The following DEK variants were observed in gnomAD, a reference collection of about 807,000 sequenced individuals.
DEK encodes protein DEK.
DEK carries 28 observed loss-of-function variants against 46.8 expected under a neutral mutation model. That is an observed-to-expected ratio of 0.60 (90% CI 0.44 to 0.82). DEK has a LOEUF of 0.82. DEK is among the 40% of genes least tolerant of loss of function. The probability of loss-of-function intolerance (pLI) is 0.00; values close to 1 mark genes in which losing one functional copy is unlikely to be tolerated. For synonymous variants in DEK, 160 were observed against 144.5 expected (o/e 1.11, Z -0.77); for missense variants, 416 against 430.6 (o/e 0.97, Z 0.30).
rs1561996245 is a variant in DEK at position 18,263,877 on chromosome 6, G to GTCCTCT, written c.105_110dup (p.Glu35_Glu36dup). The GTCCTCT allele has an allele frequency of 1.2e-6, 2 of 1,612,042 alleles. No individual in the cohort carries two copies. The highest frequency in any genetic ancestry group is 2.2e-5 in the South Asian group (2 of 90,780). On this transcript the variant is annotated inframe_insertion, in exon 2 of 11. Transcript: ENST00000652689. ...CCTCCTCCTCCTCCTCGTCGTCCTC[G>GTCCTCT]TCCTCTTCCTCCTCGCTCTCCTCTC...
At chr6:18,226,044 T>A (rs893900246) in intron 10 of DEK, 130 bp downstream of exon 10, 7 of 892,678 alleles carry the variant, frequency 7.8e-6, no homozygotes, top group Non-Finnish European at 9.5e-6. Flanking sequence ...TAAATTTCCC[T>A]ATTATGAAGA....
intron 2 of DEK, among the ~76,000 whole-genome samples, chr6:18,262,928 G>A (rs1167412898): frequency 7.2e-5 from 11 of 152,074 alleles, no homozygotes; most frequent in Non-Finnish European, 1.5e-5. Context: ...GGCTGGTTGA[G>A]GCTTAAAAAA....
chr6:18,243,248 T>C (rs1790975160), intron 7 of DEK, among the ~76,000 whole-genome samples: 1 of 152,214 alleles, frequency 6.6e-6, no homozygotes. Flanking sequence ...ATATACACTT[T>C]GAATAGTTTC....
At chr6:18,233,462 G>T (rs983906325) in intron 9 of DEK, among the ~76,000 whole-genome samples, 3 of 152,034 alleles carry the variant, frequency 2.0e-5, no homozygotes, top group African/African-American at 7.3e-5. Context: ...TCTGACAAAG[G>T]GCTAATATTC....
Position 18,225,880 on chromosome 6 carries a change from C to G in DEK, c.1117-150G>C, listed in dbSNP as rs186963513. 4 of 937,406 alleles carry G rather than the reference C, an allele frequency of 4.3e-6. 1 individual carries two copies. In the South Asian group the frequency reaches 5.2e-5, roughly 12 times the overall value. The allele number at this position is 937,406 out of a possible 1,614,324, so 58.1% of individuals were successfully genotyped here. On this transcript the variant is annotated intron_variant, in intron 10 of 10. Coordinates refer to ENST00000652689, the MANE Select transcript of DEK (RefSeq NM_003472.4). The stretch of plus-strand genomic sequence containing the variant: ...GCTGATCTTCCCCTCACCTTTGCCT[C>G]GTAGACAGGAACTTCCTCAAGTATT...
chr6:18,227,298 A>C (rs1168822913), intron 9 of DEK, among the ~76,000 whole-genome samples: 1 of 152,118 alleles, frequency 6.6e-6, no homozygotes, highest in Non-Finnish European at 1.5e-5. Context: ...CGTTCCATCT[A>C]CTGAGATAGG....
intron 1 of DEK, 91 bp from the exon 2 acceptor site, chr6:18,264,087 G>C (rs1297457593): frequency 2.5e-6 from 3 of 1,209,816 alleles, no homozygotes; most frequent in Non-Finnish European, 3.3e-6. Flanking sequence ...CCCTTCCCGC[G>C]GGACACCTGC....
At chr6:18,242,620 G>A (rs956620428) in intron 7 of DEK, among the ~76,000 whole-genome samples, 1 of 152,074 alleles carries the variant, frequency 6.6e-6, no homozygotes, top group Non-Finnish European at 1.5e-5. Flanking sequence ...CCAGAACCTT[G>A]GCCCATTAGT....
intron 6 of DEK, among the ~76,000 whole-genome samples, chr6:18,253,396 CA>C (rs1384526535): frequency 6.6e-6 from 1 of 152,100 alleles, no homozygotes; most frequent in Non-Finnish European, 1.5e-5. Flanking sequence ...GATAGTTTAC[CA>C]AGGCCTAAGT....
Position 18,225,603 on chromosome 6 carries a change from C to A in DEK, c.*116G>T. The A allele has an allele frequency of 8.3e-7, 1 of 1,203,384 alleles. No homozygotes were observed. The highest frequency in any genetic ancestry group is 1.2e-6 in the Non-Finnish European group (1 of 858,338). 74.5% of individuals were successfully genotyped at this position (1,203,384 alleles called of 1,614,324 possible). A position where few individuals can be genotyped will look rare whatever the true frequency, so the allele number is the denominator to read the frequency against. On this transcript the variant is annotated 3_prime_UTR_variant, in exon 11 of 11. Transcript: ENST00000652689. ...AAGATAAAAAGGTCAGCAGTAAGTT[C>A]TACTAACGTTGCTTAACAAGGATTT...
At chr6:18,248,346 AAG>A (rs1391948991) in intron 7 of DEK, among the ~76,000 whole-genome samples, 1 of 152,168 alleles carries the variant, frequency 6.6e-6, no homozygotes, top group Non-Finnish European at 1.5e-5. Context: ...TCTGCCCATA[AAG>A]AGAGTTTAGG....
chr6:18,232,600 C>G (rs1561974868), intron 9 of DEK, among the ~76,000 whole-genome samples: 1 of 152,114 alleles, frequency 6.6e-6, no homozygotes, highest in Non-Finnish European at 1.5e-5. Context: ...TGAGTGAATT[C>G]CCATTCACAA....
chr6:18,251,777 T>A (rs1195301349), intron 6 of DEK, among the ~76,000 whole-genome samples: 5 of 152,072 alleles, frequency 3.3e-5, no homozygotes, highest in Non-Finnish European at 7.4e-5. Flanking sequence ...AAACATAATA[T>A]CCCTCACAAT....
intron 6 of DEK, among the ~76,000 whole-genome samples, chr6:18,250,652 C>T (rs1316179592): frequency 3.4e-5 from 5 of 145,676 alleles, no homozygotes; most frequent in Admixed American, 2.1e-4. Flanking sequence ...TGCACCATCA[C>T]GCCCAGCTAA....
Position 18,264,016 on chromosome 6 carries a change from C to G in DEK, c.-9-20G>C. 1 of 1,581,746 alleles carries G rather than the reference C, an allele frequency of 6.3e-7. No individual in the cohort carries two copies. Among genetic ancestry groups the G allele is most frequent in the Non-Finnish European group, 8.6e-7 (1 of 1,164,236 alleles). Reference sequence around the variant, plus strand: ...GTGAACCTGCATGCGGGAAGAAAGCCGGACGTCTCGGTCCTCCTACTCCCG... The same window carrying G: ...GTGAACCTGCATGCGGGAAGAAAGCGGGACGTCTCGGTCCTCCTACTCCCG... On this transcript the variant is annotated intron_variant, in intron 1 of 10. Transcript: ENST00000652689.
intron 9 of DEK, among the ~76,000 whole-genome samples, chr6:18,232,172 T>G (rs1263278259): frequency 2.0e-5 from 3 of 152,208 alleles, no homozygotes; most frequent in Non-Finnish European, 4.4e-5. Flanking sequence ...CAGCCCTTCA[T>G]GCTAAAAACT....
At chr6:18,256,980 T>C (rs1194836575) in intron 4 of DEK, among the ~76,000 whole-genome samples, 3 of 152,176 alleles carry the variant, frequency 2.0e-5, no homozygotes, top group South Asian at 2.1e-4. Flanking sequence ...GAAAATAAAT[T>C]ATGTCATGCA....
At position 18,225,552 on chromosome 6, in the gene DEK, A is replaced by C. The variant is rs377117157; in HGVS notation, c.*167T>G. On this transcript the variant is annotated 3_prime_UTR_variant, in exon 11 of 11. Coordinates refer to ENST00000652689, the MANE Select transcript of DEK (RefSeq NM_003472.4). ...ATGGCATAGAAATGCAATTTAAAACAGCAAACTCAAATTCACATAACACTC... is the reference window on the plus strand; with the variant it reads ...ATGGCATAGAAATGCAATTTAAAACCGCAAACTCAAATTCACATAACACTC... 1.9e-4 allele frequency: 119 copies of C among 633,568 alleles called. No individual in the cohort carries two copies. In the African/African-American group the frequency reaches 2.1e-3, roughly 11 times the overall value. 39.2% of individuals were successfully genotyped at this position (633,568 alleles called of 1,614,324 possible). A position where few individuals can be genotyped will look rare whatever the true frequency, so the allele number is the denominator to read the frequency against.
intron 8 of DEK, chr6:18,237,175 GTC>G (rs146262627): frequency 6.5e-4 from 286 of 439,714 alleles, no homozygotes; most frequent in South Asian, 1.2e-3. Flanking sequence ...CTCTCTCTCT[GTC>G]TCTCTCTCTA....
Sources: allele counts gnomAD v4.1 joint callset (sites outside exome capture counted in the v4.1 genomes callset), GRCh38; gene constraint gnomAD v4.1.1; transcripts MANE v1.5; gene names NCBI Gene and HGNC (gene_info 2026-07-23, HGNC 2026-07-21).